Variants in ATP2B4 observed in about 807,000 individuals in gnomAD.
The protein encoded by ATP2B4 is plasma membrane calcium-transporting ATPase 4.
Under a neutral mutation model 110.3 loss-of-function variants are expected in ATP2B4, and 39 were observed. The ratio of observed to expected loss-of-function variants is 0.35; its 90% CI spans 0.27 to 0.46. The LOEUF (loss-of-function observed/expected upper bound fraction) is 0.46. ATP2B4 is among the 20% of genes least tolerant of loss of function. ATP2B4 has a pLI of 1.00. For synonymous variants in ATP2B4, 538 were observed against 571.7 expected, an observed-to-expected ratio of 0.94 and a Z score of 0.84; for missense variants, 1,135 against 1,530.9, an observed-to-expected ratio of 0.74 and a Z score of 4.32.
At chr1:203,636,028 T>A (rs1247912075) in intron 1 of ATP2B4, among the ~76,000 whole-genome samples, 2 of 152,192 alleles carry the variant, frequency 1.3e-5, no homozygotes, top group African/African-American at 4.8e-5. Flanking sequence ...TCTCCCACCA[T>A]GCCATGGGGC....
intron 1 of ATP2B4, among the ~76,000 whole-genome samples, chr1:203,674,205 T>C (rs915772239): frequency 2.6e-5 from 4 of 152,188 alleles, no homozygotes; most frequent in African/African-American, 4.8e-5. Context: ...CCAGTACCCC[T>C]TTTGTTAAAC....
intron 2 of ATP2B4, among the ~76,000 whole-genome samples, chr1:203,685,146 C>T (rs1205860442): frequency 1.3e-5 from 2 of 152,110 alleles, no homozygotes; most frequent in African/African-American, 2.4e-5. Context: ...CCACTGCGCC[C>T]GGCCTTAATC....
chr1:203,680,985 C>G (rs1006778756), intron 1 of ATP2B4, among the ~76,000 whole-genome samples: 3 of 152,178 alleles, frequency 2.0e-5, no homozygotes, highest in African/African-American at 7.2e-5. Flanking sequence ...TTAGCCCTTC[C>G]CACTTCTTCC....
chr1:203,699,652 A>T lies in ATP2B4; in HGVS notation c.584A>T (p.Asn195Ile). Residue 195 changes from asparagine to isoleucine, a missense_variant, in exon 4 of 21, where the codon AAC (asparagine) becomes ATC (isoleucine). By Grantham distance (149) the Asn-to-Ile change is moderately radical. This residue lies in a region of ATP2B4 where 101 missense variants were observed against 182.6 expected (regional missense o/e 0.55). Transcript: ENST00000357681. Reference protein sequence around the residue: ...EQEQKFSIIRNGQLIQLPVAE... With the variant: ...EQEQKFSIIRIGQLIQLPVAE... The stretch of plus-strand genomic sequence containing the variant: ...GAGCAAAAGTTCTCCATCATCCGAA[A>T]CGGTCAACTCATCCAGCTCCCTGTG... 6.2e-7 allele frequency: 1 copy of T among 1,614,158 alleles called. No homozygotes were observed. The highest frequency in any genetic ancestry group is 8.5e-7 in the Non-Finnish European group (1 of 1,180,036).
intron 1 of ATP2B4, among the ~76,000 whole-genome samples, chr1:203,632,077 C>G (rs545723604): frequency 2.6e-5 from 4 of 151,846 alleles, no homozygotes; most frequent in South Asian, 2.1e-4. Flanking sequence ...CCACCAAGCC[C>G]AGCCACAAGG....
At chr1:203,703,384 G>T (rs1665751848) in intron 7 of ATP2B4, among the ~76,000 whole-genome samples, 1 of 152,152 alleles carries the variant, frequency 6.6e-6, no homozygotes, top group African/African-American at 2.4e-5. Flanking sequence ...CTCTGAGGTA[G>T]TACCAGGAAG....
chr1:203,675,756 C>T (rs888042568), intron 1 of ATP2B4, among the ~76,000 whole-genome samples: 12 of 151,764 alleles, frequency 7.9e-5, no homozygotes, highest in African/African-American at 2.7e-4. Flanking sequence ...CAGGAAGTGG[C>T]GTTCTATCTT....
intron 7 of ATP2B4, among the ~76,000 whole-genome samples, chr1:203,702,287 G>A (rs1450724799): frequency 6.6e-6 from 1 of 152,178 alleles, no homozygotes; most frequent in Non-Finnish European, 1.5e-5. Flanking sequence ...AGCACCCTCT[G>A]CTGTTGGCTC....
intron 1 of ATP2B4, among the ~76,000 whole-genome samples, chr1:203,666,034 G>C (rs376420575): frequency 9.8e-5 from 15 of 152,312 alleles, no homozygotes; most frequent in Admixed American, 5.2e-4. Flanking sequence ...TGACAGGTCT[G>C]ACCTGCCTCC....
At chr1:203,665,523 C>T (rs191036756) in intron 1 of ATP2B4, among the ~76,000 whole-genome samples, 107 of 152,176 alleles carry the variant, frequency 7.0e-4, no homozygotes, top group African/African-American at 2.4e-3. Flanking sequence ...TAGCCTTGGC[C>T]GGGCTCGGTG....
In ATP2B4 at chr1:203,699,700, T is replaced by C. The variant is rs1665633901; in HGVS notation, c.632T>C (p.Ile211Thr). The C allele has an allele frequency of 1.2e-6, 2 of 1,613,976 alleles. No individual in the cohort carries two copies. Among genetic ancestry groups the C allele is most frequent in the East Asian group, 2.2e-5 (1 of 44,898 alleles). Reference sequence around the variant, plus strand: ...GTGGCTGAGATTGTGGTTGGTGATATTGCCCAAGTCAAATACGGTGAGAGC... The same window carrying C: ...GTGGCTGAGATTGTGGTTGGTGATACTGCCCAAGTCAAATACGGTGAGAGC... The part of the protein sequence containing the change: ...LPVAEIVVGD[I>T]AQVKYGDLLP... Residue 211 changes from isoleucine to threonine, a missense_variant, in exon 4 of 21, where the codon ATT (isoleucine) becomes ACT (threonine). This residue lies in a region of ATP2B4 where 101 missense variants were observed against 182.6 expected (regional missense o/e 0.55). Coordinates refer to ENST00000357681, the MANE Select transcript of ATP2B4 (RefSeq NM_001684.5).
chr1:203,655,206 A>G (rs1465891434), intron 1 of ATP2B4, among the ~76,000 whole-genome samples: 1 of 152,228 alleles, frequency 6.6e-6, no homozygotes, highest in East Asian at 1.9e-4. Flanking sequence ...AGATGCTGTA[A>G]ATACTGTTGA....
In ATP2B4 at chr1:203,629,810, T is replaced by C. The variant is rs76590819; in HGVS notation, c.-465+2591T>C. 3.9e-3 allele frequency among the ~76,000 whole-genome samples: 591 copies of C among 152,202 alleles called. 7 individuals carry two copies. Among genetic ancestry groups the C allele is most frequent in the African/African-American group, 0.014 (562 of 41,532 alleles). On this transcript the variant is annotated intron_variant, in intron 1 of 20. Transcript: ENST00000357681. This position sits in a 1 kb window ranked among gnomAD's most constrained non-coding sequence, Gnocchi z 4.6. ...CCAAGTCTCTAGATTCAAGGTCAAG[T>C]CAAAGGAGCACAGCCCGTCTTACCC...
rs142217226 is a variant in ATP2B4 at position 203,641,127 on chromosome 1, G to A, written c.-465+13908G>A. Among the ~76,000 whole-genome samples, 552 of 152,348 alleles carry A rather than the reference G, an allele frequency of 3.6e-3. 8 individuals carry two copies. The highest frequency in any genetic ancestry group is 0.013 in the African/African-American group (536 of 41,580). On this transcript the variant is annotated intron_variant, in intron 1 of 20. Transcript: ENST00000357681. ...TGAGCCACACCTACATCCTGGAGCT[G>A]TAGCACTCTCTTCTTCACAGATGGG... is the stretch of plus-strand genomic sequence containing the variant.
At chr1:203,706,203 C>T (rs1482593227) in intron 8 of ATP2B4, among the ~76,000 whole-genome samples, 1 of 152,072 alleles carries the variant, frequency 6.6e-6, no homozygotes, top group African/African-American at 2.4e-5. Context: ...GGTAACCAAC[C>T]ATCCCAGTTT....
intron 19 of ATP2B4, among the ~76,000 whole-genome samples, chr1:203,726,036 G>A (rs1244699804): frequency 7.2e-6 from 1 of 139,560 alleles, no homozygotes; most frequent in Non-Finnish European, 1.5e-5. Flanking sequence ...GACCAGCCTG[G>A]CCAACATGGT....
At chr1:203,674,257 T>G (rs1664761211) in intron 1 of ATP2B4, among the ~76,000 whole-genome samples, 1 of 152,172 alleles carries the variant, frequency 6.6e-6, no homozygotes, top group Non-Finnish European at 1.5e-5. Flanking sequence ...TGAAGGTGGC[T>G]CTTGTCCTCC....
chr1:203,718,125 CAA>C (rs1666212686), intron 15 of ATP2B4, among the ~76,000 whole-genome samples: 14 of 152,072 alleles, frequency 9.2e-5, no homozygotes, highest in Admixed American at 9.2e-4. Context: ...TGTTTGCTCA[CAA>C]AGAGAAAATA....
chr1:203,668,216 G>T (rs1310420463), intron 1 of ATP2B4, among the ~76,000 whole-genome samples: 19 of 152,094 alleles, frequency 1.2e-4, no homozygotes, highest in Admixed American at 1.0e-3. Context: ...CTTGTAGTTG[G>T]GTAGGACTAG....
Sources: allele counts gnomAD v4.1 joint callset (sites outside exome capture counted in the v4.1 genomes callset), GRCh38; gene constraint gnomAD v4.1.1; regional missense constraint gnomAD v4.1.1; non-coding constraint Gnocchi (gnomAD v3.1); transcripts MANE v1.5; gene names NCBI Gene and HGNC (gene_info 2026-07-23, HGNC 2026-07-21).